The following RPN1 variants were observed in gnomAD, a reference collection of about 807,000 sequenced individuals.
RPN1 encodes dolichyl-diphosphooligosaccharide--protein glycosyltransferase subunit 1.
A neutral mutation model predicts 55.5 loss-of-function variants in RPN1; 12 were observed. That is an observed-to-expected ratio of 0.22 (90% confidence interval 0.14 to 0.35). The LOEUF (loss-of-function observed/expected upper bound fraction) is 0.35. RPN1 is among the 10% of genes least tolerant of loss of function. The pLI is 1.00. For missense variants in RPN1, 679 were observed against 761.3 expected (o/e 0.89, Z 1.27); for synonymous variants, 317 against 305.9 (o/e 1.04, Z -0.38).
At chr3:128,633,641 A>C (rs886345190) in intron 3 of RPN1, among the ~76,000 whole-genome samples, 2 of 152,184 alleles carry the variant, frequency 1.3e-5, no homozygotes, top group African/African-American at 2.4e-5. Context: ...TAAATAGAAA[A>C]AAACTGTTTA....
chr3:128,634,143 T>C (rs963414291), intron 3 of RPN1, among the ~76,000 whole-genome samples: 2 of 151,988 alleles, frequency 1.3e-5, no homozygotes, highest in Non-Finnish European at 2.9e-5. Context: ...CTGGCCAACA[T>C]GGTGAAACCC....
intron 5 of RPN1, chr3:128,627,088 G>C: frequency 2.2e-6 from 1 of 453,276 alleles, no homozygotes. Context: ...AACGCAGAGA[G>C]AAGAAACAGG....
intron 8 of RPN1, among the ~76,000 whole-genome samples, chr3:128,624,426 G>A (rs1234475303): frequency 6.6e-6 from 1 of 151,030 alleles, no homozygotes; most frequent in Non-Finnish European, 1.5e-5. Flanking sequence ...GTTGCAGCAA[G>A]CTGAGAGCGC....
Position 128,638,025 on chromosome 3 carries a change from G to T in RPN1, c.407C>A (p.Thr136Asn). 1 of 1,614,058 alleles carries T rather than the reference G, an allele frequency of 6.2e-7. No individual in the cohort carries two copies. Among genetic ancestry groups the T allele is most frequent in the Non-Finnish European group, 8.5e-7 (1 of 1,179,934 alleles). The stretch of plus-strand genomic sequence containing the variant: ...GGTTGGATACGGATGAAGCACATGG[G>T]TGTAGACTGTTTCCACAATGACTGA... ...KISVIVETVY[T>N]HVLHPYPTQI... is the part of the protein sequence containing the mutation. Residue 136 changes from threonine to asparagine, a missense_variant, in exon 3 of 10, where the codon ACC becomes AAC. Thr to Asn is a moderately conservative substitution (Grantham distance 65, BLOSUM62 0). This residue lies in a region of RPN1 where 352 missense variants were observed against 352.8 expected (regional missense o/e 1.00). Coordinates refer to ENST00000296255, the MANE Select transcript of RPN1 (RefSeq NM_002950.4).
intron 1 of RPN1, 104 bp from the exon 2 acceptor site, chr3:128,645,087 C>T: frequency 4.4e-6 from 3 of 684,486 alleles, no homozygotes; most frequent in Non-Finnish European, 7.8e-6. Flanking sequence ...AGCAGTCAAA[C>T]TATCAGAACT....
intron 3 of RPN1, among the ~76,000 whole-genome samples, chr3:128,632,490 TC>T (rs2107716436): frequency 6.6e-6 from 1 of 152,304 alleles, no homozygotes; most frequent in South Asian, 2.1e-4. Flanking sequence ...GAACTACTTA[TC>T]CCCATTTGAC....
chr3:128,633,885 A>G (rs539508469), intron 3 of RPN1, among the ~76,000 whole-genome samples: 134 of 152,168 alleles, frequency 8.8e-4, no homozygotes, highest in South Asian at 1.5e-3. Flanking sequence ...AAGGAGGCTG[A>G]GGTAGGAGAA....
chr3:128,626,941 C>T, intron 5 of RPN1, 109 bp from the exon 6 acceptor site: 1 of 903,168 alleles, frequency 1.1e-6, no homozygotes, highest in Non-Finnish European at 1.8e-6. Flanking sequence ...ACAGCAAAAC[C>T]AAAAACCCAC....
chr3:128,646,990 G>A (rs1233964493), intron 1 of RPN1, among the ~76,000 whole-genome samples: 1 of 151,576 alleles, frequency 6.6e-6, no homozygotes, highest in Admixed American at 6.6e-5. Flanking sequence ...AAAAAAAATG[G>A]TTAACAGTGG....
chr3:128,640,384 ACTTGCATGT>A (rs1236126728), intron 2 of RPN1, among the ~76,000 whole-genome samples: 1 of 152,104 alleles, frequency 6.6e-6, no homozygotes, highest in East Asian at 1.9e-4. Context: ...AGAACACAAA[ACTTGCATGT>A]CTTTATCAGT....
intron 4 of RPN1, 116 bp from the exon 5 acceptor site, chr3:128,630,259 T>C (rs2069631907): frequency 1.7e-6 from 1 of 595,890 alleles, no homozygotes; most frequent in Non-Finnish European, 2.8e-6. Flanking sequence ...TTAATTAAAA[T>C]AGTCCCCAAA....
intron 2 of RPN1, 52 bp from the exon 3 acceptor site, chr3:128,638,157 C>T: frequency 7.4e-7 from 1 of 1,356,672 alleles, no homozygotes; most frequent in Non-Finnish European, 1.0e-6. Flanking sequence ...ATACTGAAAA[C>T]AGTAGTAGCA....
intron 3 of RPN1, among the ~76,000 whole-genome samples, chr3:128,637,311 C>A (rs182855002): frequency 3.3e-5 from 5 of 152,160 alleles, no homozygotes; most frequent in Non-Finnish European, 7.4e-5. Context: ...ACCTGATAAC[C>A]GCTGAATCTA....
intron 9 of RPN1, among the ~76,000 whole-genome samples, chr3:128,621,893 G>T (rs1560019516): frequency 6.6e-6 from 1 of 152,306 alleles, no homozygotes; most frequent in Admixed American, 6.5e-5. Flanking sequence ...CTGGCCTCCA[G>T]GAGAGGATGC....
At chr3:128,628,201 G>A (rs2069614476) in intron 5 of RPN1, among the ~76,000 whole-genome samples, 1 of 151,704 alleles carries the variant, frequency 6.6e-6, no homozygotes. Flanking sequence ...AGGTTGCAAT[G>A]AGCTGAGATC....
chr3:128,640,028 C>T (rs185229255), intron 2 of RPN1, among the ~76,000 whole-genome samples: 38 of 151,998 alleles, frequency 2.5e-4, no homozygotes, highest in African/African-American at 8.7e-4. Context: ...AAAAATTAGC[C>T]GGGCGTGGTG....
intron 9 of RPN1, 107 bp downstream of exon 9, chr3:128,622,057 C>T: frequency 8.9e-7 from 1 of 1,119,462 alleles, no homozygotes; most frequent in Non-Finnish European, 1.3e-6. Flanking sequence ...CAGTCTTATC[C>T]CACAAGCATG....
intron 1 of RPN1, among the ~76,000 whole-genome samples, chr3:128,646,810 T>C (rs969914504): frequency 6.6e-6 from 1 of 150,716 alleles, no homozygotes; most frequent in African/African-American, 2.4e-5. Flanking sequence ...CCATCTCTAC[T>C]AAAAATAAAA....
At chr3:128,650,110 C>A (rs2069804848) in intron 1 of RPN1, among the ~76,000 whole-genome samples, 1 of 152,238 alleles carries the variant, frequency 6.6e-6, no homozygotes, top group Non-Finnish European at 1.5e-5. Context: ...GAAATGAAGT[C>A]TGGCGCCCGC....
Sources: allele counts gnomAD v4.1 joint callset (sites outside exome capture counted in the v4.1 genomes callset), GRCh38; gene constraint gnomAD v4.1.1; regional missense constraint gnomAD v4.1.1; transcripts MANE v1.5; gene names NCBI Gene and HGNC (gene_info 2026-07-23, HGNC 2026-07-21).